The following SPIRE1 variants were observed in gnomAD, a reference collection of about 807,000 sequenced individuals.
SPIRE1 encodes spire type actin nucleation factor 1.
SPIRE1 carries 40 observed loss-of-function variants against 94.1 expected under a neutral mutation model. The ratio of observed to expected loss-of-function variants is 0.43; its 90% CI spans 0.33 to 0.55. SPIRE1 has a LOEUF of 0.55. SPIRE1 is among the 20% of genes least tolerant of loss of function. SPIRE1 has a pLI of 0.06. For synonymous variants in SPIRE1, 376 were observed against 371.7 expected (o/e 1.01, Z -0.13); for missense variants, 838 against 975.2 (o/e 0.86, Z 1.87).
At chr18:12,632,104 T>C (rs2037798353) in intron 2 of SPIRE1, among the ~76,000 whole-genome samples, 3 of 151,972 alleles carry the variant, frequency 2.0e-5, no homozygotes, top group Non-Finnish European at 4.4e-5. Flanking sequence ...GTCTTCCTCA[T>C]GCCTCCAAAA....
intron 3 of SPIRE1, among the ~76,000 whole-genome samples, chr18:12,546,227 G>A (rs1344191390): frequency 2.0e-5 from 3 of 152,142 alleles, no homozygotes; most frequent in Non-Finnish European, 4.4e-5. Context: ...CTGACCTCGT[G>A]ATCCGCCTGC....
Position 12,657,537 on chromosome 18 carries a change from TG to T in SPIRE1, c.329del (p.Pro110GlnfsTer32), listed in dbSNP as rs1438463504. Reference protein sequence around the residue: ...PAADDAGEPPPVAGKLGYSQC... With the variant: ...PAADDAGEPPXVAGKLGYSQC... ...GGGGCCCGGCGGCCTCACCCGCAAC[TG>T]GGGGCGGCTCTCCCGCGTCGTCGGC... On this transcript the variant is annotated frameshift_variant, in exon 1 of 17. Transcript: ENST00000409402. LOFTEE classifies it high-confidence loss of function. The T allele has an allele frequency of 8.1e-7, 1 of 1,232,474 alleles. No individual in the cohort carries two copies. The highest frequency in any genetic ancestry group is 1.0e-6 in the Non-Finnish European group (1 of 987,920). The allele number at this position is 1,232,474 out of a possible 1,614,324, so 76.3% of individuals were successfully genotyped here.
chr18:12,498,106 C>G (rs751669102), intron 6 of SPIRE1, among the ~76,000 whole-genome samples: 3 of 152,156 alleles, frequency 2.0e-5, no homozygotes, highest in Non-Finnish European at 2.9e-5. Context: ...TTATACTTAT[C>G]AAAAAATCTG....
At chr18:12,661,251 T>C (rs2038690571), upstream of SPIRE1, 1 of 366,902 alleles carries the variant, frequency 2.7e-6, no homozygotes, top group South Asian at 1.1e-4. Context: ...GAGCGTGCAG[T>C]GAGCCGAGAT....
chr18:12,653,115 T>C (rs1002213718), intron 1 of SPIRE1: 2 of 152,250 alleles, frequency 1.3e-5, no homozygotes, highest in African/African-American at 4.8e-5. Flanking sequence ...CATCTGGCAA[T>C]GGACAGAGAC....
chr18:12,623,019 T>C (rs910539027), intron 2 of SPIRE1, among the ~76,000 whole-genome samples: 5 of 152,226 alleles, frequency 3.3e-5, no homozygotes, highest in Non-Finnish European at 7.3e-5. Flanking sequence ...TCAATTAATG[T>C]GTCAATATTG....
chr18:12,506,871 T>C (rs2033852388), intron 5 of SPIRE1, among the ~76,000 whole-genome samples: 1 of 152,240 alleles, frequency 6.6e-6, no homozygotes, highest in South Asian at 2.1e-4. Context: ...GCTCCACCAC[T>C]GTGGTAGGCT....
chr18:12,495,978 G>T, intron 7 of SPIRE1, 38 bp downstream of exon 7: 1 of 1,454,978 alleles, frequency 6.9e-7, no homozygotes, highest in Non-Finnish European at 9.7e-7. Context: ...AATTCATTAT[G>T]ATATCTCCAA....
intron 1 of SPIRE1, among the ~76,000 whole-genome samples, chr18:12,646,104 G>A (rs1000453747): frequency 2.0e-5 from 3 of 152,102 alleles, no homozygotes; most frequent in Non-Finnish European, 4.4e-5. Flanking sequence ...GCAGCACAAC[G>A]CCACACTTGC....
intron 5 of SPIRE1, among the ~76,000 whole-genome samples, chr18:12,507,715 AC>A (rs907055895): frequency 8.6e-5 from 13 of 152,024 alleles, no homozygotes; most frequent in African/African-American, 2.4e-4. Flanking sequence ...TAAAAAAAAA[AC>A]ATAAAATAAT....
chr18:12,555,305 CAA>C (rs35809260), intron 2 of SPIRE1, among the ~76,000 whole-genome samples: 5 of 119,470 alleles, frequency 4.2e-5, no homozygotes, highest in African/African-American at 1.5e-4. Flanking sequence ...AAAGACTTAT[CAA>C]AAAAAAAAAA....
chr18:12,582,332 T>C (rs531249977), intron 2 of SPIRE1, among the ~76,000 whole-genome samples: 2 of 152,196 alleles, frequency 1.3e-5, no homozygotes, highest in South Asian at 4.2e-4. Flanking sequence ...AAGTAGAAAT[T>C]ATTATTTGAG....
intron 2 of SPIRE1, among the ~76,000 whole-genome samples, chr18:12,597,255 A>T (rs1306231383): frequency 6.6e-6 from 1 of 151,824 alleles, no homozygotes; most frequent in Non-Finnish European, 1.5e-5. Context: ...TAGCTTATTT[A>T]TAACCCCCCA....
In SPIRE1 at chr18:12,449,473, C is replaced by T. The variant is rs1026915255; in HGVS notation, c.*165G>A. 15 of 710,834 alleles carry T rather than the reference C, an allele frequency of 2.1e-5. No homozygotes were observed. Among genetic ancestry groups the T allele is most frequent in the Middle Eastern group, 4.0e-4 (1 of 2,514 alleles). 44.0% of individuals were successfully genotyped at this position (710,834 alleles called of 1,614,324 possible). ...ACCTGTCACGTTTCATCAATCGATA[C>T]GAACACAGCATTCAGTCTGTGGAAC... is the stretch of plus-strand genomic sequence containing the variant. On this transcript the variant is annotated 3_prime_UTR_variant, in exon 17 of 17. Transcript: ENST00000409402.
At position 12,657,735 on chromosome 18, in the gene SPIRE1, C is replaced by G. The variant is rs1237851354; in HGVS notation, c.132G>C (p.Glu44Asp). 27 of 1,384,138 alleles carry G rather than the reference C, an allele frequency of 2.0e-5. No individual in the cohort carries two copies. Among genetic ancestry groups the G allele is most frequent in the Non-Finnish European group, 2.5e-5 (27 of 1,059,526 alleles). The allele number at this position is 1,384,138 out of a possible 1,614,324, so 85.7% of individuals were successfully genotyped here. ...TGGGCTGGTTGTACAGCCGCAGGAT[C>G]TCCTCCAGGCTCAGCGCGTCCCGGG... ...GGSRDALSLE[E>D]ILRLYNQPIN... is the part of the protein sequence containing the mutation. The change falls in exon 1 of 17, where the codon GAG (glutamate) becomes GAC (aspartate). Residue 44 changes from glutamate (E) to aspartate (D), a missense_variant. Physicochemically the swap from Glu to Asp is conservative, Grantham distance 45. Coordinates refer to ENST00000409402, the MANE Select transcript of SPIRE1 (RefSeq NM_001128626.2).
chr18:12,501,339 G>A (rs919522325), intron 6 of SPIRE1, among the ~76,000 whole-genome samples: 1 of 151,988 alleles, frequency 6.6e-6, no homozygotes, highest in Non-Finnish European at 1.5e-5. Flanking sequence ...TGGGTACATG[G>A]GTATATATAA....
chr18:12,598,767 C>T (rs1442026573), intron 2 of SPIRE1, among the ~76,000 whole-genome samples: 10 of 152,034 alleles, frequency 6.6e-5, no homozygotes, highest in South Asian at 4.1e-4. Context: ...GGCTAGAAGG[C>T]GGAAAGACAA....
In SPIRE1 at chr18:12,527,009, C is replaced by T. The variant is rs371172287; in HGVS notation, c.729+8467G>A. Among the ~76,000 whole-genome samples the T allele has an allele frequency of 1.6e-4, 25 of 152,162 alleles. No homozygotes were observed. In the South Asian group the frequency reaches 3.9e-3, roughly 24 times the overall value. ...AGGCGTGAGCTACTGCGCCTGGCCA[C>T]GGAAGACATTTTAAATAACTTGCAT... is the stretch of plus-strand genomic sequence containing the variant. On this transcript the variant is annotated intron_variant, in intron 4 of 16. Transcript: ENST00000409402.
chr18:12,463,350 C>A lies in SPIRE1; in HGVS notation c.1638+1G>T. ...TACTACAAAGTCTTTCCTGTACTTACAAGAGAGCGGGAACTCTGCCTGGAA... is the reference window on the plus strand; with the variant it reads ...TACTACAAAGTCTTTCCTGTACTTAAAAGAGAGCGGGAACTCTGCCTGGAA... On this transcript the variant is annotated splice_donor_variant, in intron 12 of 16. Transcript: ENST00000409402. LOFTEE classifies it high-confidence loss of function. The A allele has an allele frequency of 3.7e-6, 6 of 1,611,774 alleles. No individual in the cohort carries two copies. The highest frequency in any genetic ancestry group is 5.1e-6 in the Non-Finnish European group (6 of 1,178,730).
Sources: allele counts gnomAD v4.1 joint callset (sites outside exome capture counted in the v4.1 genomes callset), GRCh38; gene constraint gnomAD v4.1.1; transcripts MANE v1.5; gene names NCBI Gene and HGNC (gene_info 2026-07-23, HGNC 2026-07-21).